Variants in CEMIP2 observed in about 807,000 individuals in gnomAD.
CEMIP2 encodes the protein cell surface hyaluronidase CEMIP2.
In CEMIP2, 79 loss-of-function variants were observed where a neutral mutation model predicts 146.9. That is an observed-to-expected ratio of 0.54 (90% confidence interval 0.45 to 0.65). The LOEUF (loss-of-function observed/expected upper bound fraction) is 0.65. Among genes scored for constraint, CEMIP2 ranks in the 30% least tolerant of loss-of-function variants. CEMIP2 has a pLI of 0.00. For missense variants in CEMIP2, 1,596 were observed against 1,696.2 expected (o/e 0.94, Z 1.04); for synonymous variants, 601 against 606.3 (o/e 0.99, Z 0.13).
intron 11 of CEMIP2, among the ~76,000 whole-genome samples, chr9:71,724,441 T>C (rs1823325701): frequency 6.6e-6 from 1 of 151,508 alleles, no homozygotes; most frequent in African/African-American, 2.4e-5. Flanking sequence ...CAGTTTTGTA[T>C]AGTTTTTCCT....
rs1445008183 is a variant in CEMIP2 at position 71,759,559 on chromosome 9, G to C, written c.-13+8798C>G. Among the ~76,000 whole-genome samples, 4 of 152,120 alleles carry C rather than the reference G, an allele frequency of 2.6e-5. No homozygotes were observed. In the East Asian group the frequency reaches 7.7e-4, roughly 29 times the overall value. ...GAGGTTCCAGGGAGAATGAGGGCTTGGATCCTGGTAAAAAAGGTTATGGGA... is the reference window on the plus strand; with the variant it reads ...GAGGTTCCAGGGAGAATGAGGGCTTCGATCCTGGTAAAAAAGGTTATGGGA... On this transcript the variant is annotated intron_variant, in intron 1 of 23. Coordinates refer to ENST00000377044, the MANE Select transcript of CEMIP2 (RefSeq NM_013390.3).
At chr9:71,717,191 T>C (rs1823081765) in intron 13 of CEMIP2, among the ~76,000 whole-genome samples, 1 of 152,162 alleles carries the variant, frequency 6.6e-6, no homozygotes, top group African/African-American at 2.4e-5. Flanking sequence ...TAATTTCTAA[T>C]GTTAGGAACA....
chr9:71,754,995 A>C (rs1221738225), intron 1 of CEMIP2, among the ~76,000 whole-genome samples: 1 of 152,166 alleles, frequency 6.6e-6, no homozygotes, highest in East Asian at 1.9e-4. Context: ...AGATACCTTA[A>C]AAACTCACTG....
At chr9:71,714,790 G>A in intron 15 of CEMIP2, 144 bp downstream of exon 15, 1 of 727,360 alleles carries the variant, frequency 1.4e-6, no homozygotes, top group Non-Finnish European at 2.1e-6. Flanking sequence ...AGCAGCTGTA[G>A]CAGTAGTAGT....
intron 15 of CEMIP2, 111 bp downstream of exon 15, chr9:71,714,821 AAG>A (rs1275080513): frequency 1.9e-6 from 2 of 1,052,926 alleles, no homozygotes; most frequent in Non-Finnish European, 2.7e-6. Context: ...AAAATAGGAA[AAG>A]AGTCTCATGG....
chr9:71,757,794 T>C (rs1435330013), intron 1 of CEMIP2, among the ~76,000 whole-genome samples: 1 of 152,216 alleles, frequency 6.6e-6, no homozygotes, highest in Non-Finnish European at 1.5e-5. Context: ...GCGTTTCATT[T>C]AGTTTTGTTT....
chr9:71,685,446 A>G, intron 23 of CEMIP2, 53 bp from the exon 24 acceptor site: 1 of 1,413,858 alleles, frequency 7.1e-7, no homozygotes, highest in Non-Finnish European at 9.2e-7. Context: ...TTATAGCTAC[A>G]TTCCAGCAAG....
Position 71,718,044 on chromosome 9 carries a change from G to A in CEMIP2, c.2303C>T (p.Pro768Leu), listed in dbSNP as rs373855198. The change falls in exon 13 of 24, where the codon CCA becomes CTA. Residue 768 changes from proline to leucine, a missense_variant. By Grantham distance (98) the Pro-to-Leu change is moderately conservative. Coordinates refer to ENST00000377044, the MANE Select transcript of CEMIP2 (RefSeq NM_013390.3). Reference sequence around the variant, plus strand: ...CCTGTCAATTAGAGCAGCAACACGTGGTTTTTCGGGGTTTGCATCCTGATG... The same window carrying A: ...CCTGTCAATTAGAGCAGCAACACGTAGTTTTTCGGGGTTTGCATCCTGATG... ...RPHQDANPEK[P>L]RVAALIDRLI... 1 of 1,612,416 alleles carries A rather than the reference G, an allele frequency of 6.2e-7. No homozygotes were observed. The highest frequency in any genetic ancestry group is 1.7e-5 in the Admixed American group (1 of 59,896).
intron 1 of CEMIP2, among the ~76,000 whole-genome samples, chr9:71,762,683 G>A (rs1824672596): frequency 6.6e-6 from 1 of 152,064 alleles, no homozygotes; most frequent in African/African-American, 2.4e-5. Context: ...CTCATATAAA[G>A]TTGATTTTAT....
chr9:71,747,872 T>G (rs1293203763), intron 2 of CEMIP2, among the ~76,000 whole-genome samples: 20 of 152,224 alleles, frequency 1.3e-4, no homozygotes, highest in Admixed American at 1.2e-3. Context: ...TTCATGGAAT[T>G]AGTTTTTCTC....
chr9:71,769,215 C>T (rs919863690), upstream of CEMIP2, among the ~76,000 whole-genome samples: 1 of 152,226 alleles, frequency 6.6e-6, no homozygotes, highest in African/African-American at 2.4e-5. Context: ...GCGCCTGTCA[C>T]TCCCTGGCTG....
chr9:71,748,711 A>G (rs902465737), intron 2 of CEMIP2, among the ~76,000 whole-genome samples: 6 of 152,238 alleles, frequency 3.9e-5, no homozygotes, highest in Admixed American at 2.0e-4. Context: ...AATCAATGTT[A>G]TAAGTTCATA....
chr9:71,753,479 G>A (rs1386803113), intron 1 of CEMIP2, among the ~76,000 whole-genome samples: 1 of 152,118 alleles, frequency 6.6e-6, no homozygotes, highest in Non-Finnish European at 1.5e-5. Context: ...AAGCATGGTC[G>A]TGTTTTTCCT....
At chr9:71,760,994 C>T (rs909440550) in intron 1 of CEMIP2, among the ~76,000 whole-genome samples, 1 of 152,196 alleles carries the variant, frequency 6.6e-6, no homozygotes, top group Admixed American at 6.5e-5. Context: ...TGATCCTAGA[C>T]CATCCCCCTT....
At chr9:71,704,884 T>C in intron 17 of CEMIP2, 81 bp from the exon 18 acceptor site, 1 of 1,350,724 alleles carries the variant, frequency 7.4e-7, no homozygotes, top group Non-Finnish European at 1.0e-6. Context: ...CAAAGTCAAG[T>C]GTCTCAACTT....
At chr9:71,768,567 G>A (rs1345750155), upstream of CEMIP2, 1 of 152,590 alleles carries the variant, frequency 6.6e-6, no homozygotes, top group Non-Finnish European at 1.5e-5. Context: ...AGAGTGACGC[G>A]CACTTCCCTC....
At chr9:71,721,319 T>C (rs568272579) in intron 12 of CEMIP2, among the ~76,000 whole-genome samples, 10 of 152,324 alleles carry the variant, frequency 6.6e-5, no homozygotes, top group Admixed American at 2.0e-4. Context: ...TAATTTATTG[T>C]CATCTATATA....
intron 21 of CEMIP2, among the ~76,000 whole-genome samples, chr9:71,694,119 AT>A (rs537331775): frequency 1.3e-5 from 2 of 150,540 alleles, no homozygotes; most frequent in Non-Finnish European, 1.5e-5. Context: ...TTATTTATTT[AT>A]TTATTTATTT....
At chr9:71,686,749 G>A (rs1201863815) in intron 22 of CEMIP2, 1 of 152,034 alleles carries the variant, frequency 6.6e-6, no homozygotes, top group Non-Finnish European at 1.5e-5. Flanking sequence ...GGCACTTAGG[G>A]TATCCATCAC....
Sources: allele counts gnomAD v4.1 joint callset (sites outside exome capture counted in the v4.1 genomes callset), GRCh38; gene constraint gnomAD v4.1.1; transcripts MANE v1.5; gene names NCBI Gene and HGNC (gene_info 2026-07-23, HGNC 2026-07-21).